NFXL1: variants seen among roughly 807,000 people sequenced by gnomAD.
NFXL1 encodes the protein nuclear transcription factor, X-box binding like 1.
Under a neutral mutation model 123.3 loss-of-function variants are expected in NFXL1, and 66 were observed. The ratio of observed to expected loss-of-function variants is 0.54; its 90% CI spans 0.44 to 0.66. The LOEUF (loss-of-function observed/expected upper bound fraction) is 0.66. Among genes scored for constraint, NFXL1 ranks in the 30% least tolerant of loss-of-function variants. The pLI is 0.00. For synonymous variants in NFXL1, 346 were observed against 360.8 expected (o/e 0.96, Z 0.46); for missense variants, 944 against 1,125.6 (o/e 0.84, Z 2.31).
chr4:47,910,293 C>T (rs1204263602), intron 3 of NFXL1, among the ~76,000 whole-genome samples: 2 of 152,076 alleles, frequency 1.3e-5, no homozygotes, highest in African/African-American at 2.4e-5. Context: ...CAGTGAACTA[C>T]GCACCACTAC....
chr4:47,901,518 G>A (rs1025582558), intron 5 of NFXL1, among the ~76,000 whole-genome samples: 7 of 152,090 alleles, frequency 4.6e-5, no homozygotes, highest in Admixed American at 1.3e-4. Flanking sequence ...GCTTAATTCC[G>A]TACCTATTAG....
At position 47,899,138 on chromosome 4, in the gene NFXL1, CAA is replaced by C. The variant is rs3057881; in HGVS notation, c.827-20_827-19del. 0.22 allele frequency: 259,424 copies of C among 1,185,206 alleles called. 7,687 individuals are homozygous for C. Among genetic ancestry groups the C allele is most frequent in the African/African-American group, 0.38 (19,992 of 52,764 alleles). The allele number at this position is 1,185,206 out of a possible 1,614,324, so 73.4% of individuals were successfully genotyped here. A position where few individuals can be genotyped will look rare whatever the true frequency, so the allele number is the denominator to read the frequency against. On this transcript the variant is annotated intron_variant, in intron 6 of 22. Coordinates refer to ENST00000507489, the MANE Select transcript of NFXL1 (RefSeq NM_001278624.2). ...GCAGGGACCTAGAATTCAGTAAAAG[CAA>C]AAAAAAAAAAAAAAAAAAAATCTAA...
chr4:47,862,858 C>G lies in NFXL1; in HGVS notation c.2304G>C (p.Gln768His), dbSNP rs1469871437. Residue 768 changes from glutamine (Q) to histidine (H), a missense_variant, in exon 19 of 23, where the codon CAG becomes CAC. Around this residue, in one of 4 missense-constraint regions of NFXL1, gnomAD observed 301 missense variants for 348.0 expected, o/e 0.86. Coordinates refer to ENST00000507489, the MANE Select transcript of NFXL1 (RefSeq NM_001278624.2). The part of the protein sequence containing the change: ...EKNLLSCCKN[Q>H]CPKELPCGHR... Reference sequence around the variant, plus strand: ...TACTAAAGCTTACCTCTTTAGGGCACTGATTTTTGCAACAACTGAGGAGGT... The same window carrying G: ...TACTAAAGCTTACCTCTTTAGGGCAGTGATTTTTGCAACAACTGAGGAGGT... 2 of 1,567,880 alleles carry G rather than the reference C, an allele frequency of 1.3e-6. No individual in the cohort carries two copies. The highest frequency in any genetic ancestry group is 1.7e-6 in the Non-Finnish European group (2 of 1,154,406).
At chr4:47,910,176 T>C (rs1027211453) in intron 3 of NFXL1, among the ~76,000 whole-genome samples, 3 of 152,010 alleles carry the variant, frequency 2.0e-5, no homozygotes, top group Non-Finnish European at 4.4e-5. Flanking sequence ...TGAGGAAATT[T>C]AGGTTTTTTA....
intron 15 of NFXL1, among the ~76,000 whole-genome samples, chr4:47,883,367 G>C (rs1425730970): frequency 6.6e-6 from 1 of 152,066 alleles, no homozygotes; most frequent in Non-Finnish European, 1.5e-5. Flanking sequence ...TGTCTCTTCT[G>C]TTTCTCTCAA....
intron 19 of NFXL1, among the ~76,000 whole-genome samples, chr4:47,861,164 C>G (rs1424116881): frequency 6.6e-6 from 1 of 152,058 alleles, no homozygotes; most frequent in Non-Finnish European, 1.5e-5. Flanking sequence ...CCCGGCCCAG[C>G]AATCTGTGTT....
chr4:47,912,179 C>T (rs1737857272), intron 2 of NFXL1, among the ~76,000 whole-genome samples: 1 of 151,972 alleles, frequency 6.6e-6, no homozygotes, highest in South Asian at 2.1e-4. Context: ...GCTTTGAGTA[C>T]TGGGAAAAAA....
intron 18 of NFXL1, among the ~76,000 whole-genome samples, chr4:47,863,677 G>A (rs1202430688): frequency 6.6e-6 from 1 of 152,056 alleles, no homozygotes; most frequent in Non-Finnish European, 1.5e-5. Flanking sequence ...GCAAGACTCT[G>A]TCTCAAAAAA....
Position 47,899,351 on chromosome 4 carries a change from A to C in NFXL1, c.826+19T>G, listed in dbSNP as rs1737264684. ...AAATAATCACCCACAAACAATTTAA[A>C]ATGCAATATATAACTCACCTGGATG... is the stretch of plus-strand genomic sequence containing the variant. On this transcript the variant is annotated intron_variant, in intron 6 of 22. Transcript: ENST00000507489. 2 of 1,582,406 alleles carry C rather than the reference A, an allele frequency of 1.3e-6. No homozygotes were observed. Among genetic ancestry groups the C allele is most frequent in the Non-Finnish European group, 8.6e-7 (1 of 1,159,298 alleles).
intron 20 of NFXL1, among the ~76,000 whole-genome samples, chr4:47,853,758 A>T (rs1734256303): frequency 6.6e-6 from 1 of 152,146 alleles, no homozygotes; most frequent in South Asian, 2.1e-4. Context: ...ACGAGACTGA[A>T]CAAGCAGGCA....
intron 18 of NFXL1, 71 bp from the exon 19 acceptor site, chr4:47,862,986 C>A: frequency 1.2e-6 from 1 of 805,170 alleles, no homozygotes; most frequent in South Asian, 1.5e-5. Flanking sequence ...AAAAATAACT[C>A]ATAATTTCAA....
At chr4:47,880,082 A>C (rs4695296) in intron 15 of NFXL1, among the ~76,000 whole-genome samples, 125,382 of 151,898 alleles carry the variant, frequency 0.83, 51,973 homozygotes, top group East Asian at 0.97. Flanking sequence ...TACAGCTCTG[A>C]AAAGAACATT....
At position 47,914,009 on chromosome 4, in the gene NFXL1, G is replaced by A. The variant is rs373349220; in HGVS notation, c.195C>T (p.Ser65=). ...ATTAAAGSRH[S]PAGSQALQTT... Reference sequence around the variant, plus strand: ...TCTGCAGGGCTTGGGATCCTGCGGGGCTGTGCCTGCTCCCTGCAGCCGCCG... The same window carrying A: ...TCTGCAGGGCTTGGGATCCTGCGGGACTGTGCCTGCTCCCTGCAGCCGCCG... Residue 65 remains serine (S), a synonymous_variant, in exon 2 of 23, where the codon AGC becomes AGT. Transcript: ENST00000507489. The A allele has an allele frequency of 6.5e-6, 10 of 1,548,200 alleles. No individual in the cohort carries two copies. The highest frequency in any genetic ancestry group is 3.9e-5 in the Admixed American group (2 of 50,986).
At position 47,866,011 on chromosome 4, in the gene NFXL1, T is replaced by C. The variant is rs73143924; in HGVS notation, c.2247-3096A>G. Among the ~76,000 whole-genome samples, 10 of 151,580 alleles carry C rather than the reference T, an allele frequency of 6.6e-5. No homozygotes were observed. In the South Asian group the frequency reaches 2.1e-3, roughly 32 times the overall value. ...GTCTGGGAGACAGAGAGACACCTTGTCTCAAAAAATAAAAATAAAAAAAAA... is the reference window on the plus strand; with the variant it reads ...GTCTGGGAGACAGAGAGACACCTTGCCTCAAAAAATAAAAATAAAAAAAAA... On this transcript the variant is annotated intron_variant, in intron 18 of 22. Coordinates refer to ENST00000507489, the MANE Select transcript of NFXL1 (RefSeq NM_001278624.2).
At chr4:47,862,360 T>G (rs1050621220) in intron 19 of NFXL1, among the ~76,000 whole-genome samples, 6 of 152,144 alleles carry the variant, frequency 3.9e-5, no homozygotes, top group Non-Finnish European at 1.5e-5. Flanking sequence ...AAGGCCACAA[T>G]GAAAATGCAG....
chr4:47,872,292 T>C (rs1369632989), intron 18 of NFXL1, among the ~76,000 whole-genome samples: 1 of 152,032 alleles, frequency 6.6e-6, no homozygotes, highest in Non-Finnish European at 1.5e-5. Context: ...TGAAACCCCA[T>C]CTCTACTAAA....
intron 2 of NFXL1, among the ~76,000 whole-genome samples, 153 bp downstream of exon 2, chr4:47,913,816 A>G (rs1416868163): frequency 2.0e-5 from 3 of 152,236 alleles, no homozygotes; most frequent in African/African-American, 7.2e-5. Context: ...CGAAAAGAGC[A>G]GCCACCCGAA....
chr4:47,896,061 A>G (rs777027474), intron 10 of NFXL1, among the ~76,000 whole-genome samples: 2 of 152,242 alleles, frequency 1.3e-5, no homozygotes, highest in Non-Finnish European at 2.9e-5. Context: ...GAACACACGC[A>G]CAACATTTAA....
chr4:47,904,458 C>T (rs1174825801), intron 4 of NFXL1, among the ~76,000 whole-genome samples: 3 of 152,196 alleles, frequency 2.0e-5, no homozygotes, highest in African/African-American at 7.2e-5. Flanking sequence ...AGAGACTATG[C>T]ATTCCCTGCA....
Sources: allele counts gnomAD v4.1 joint callset (sites outside exome capture counted in the v4.1 genomes callset), GRCh38; gene constraint gnomAD v4.1.1; regional missense constraint gnomAD v4.1.1; transcripts MANE v1.5; gene names NCBI Gene and HGNC (gene_info 2026-07-23, HGNC 2026-07-21).